Variants in DOCK1 observed in about 807,000 individuals in gnomAD.
DOCK1 encodes the protein dedicator of cytokinesis protein 1.
Under a neutral mutation model 262.7 loss-of-function variants are expected in DOCK1, and 138 were observed. The ratio of observed to expected loss-of-function variants is 0.53; its 90% CI spans 0.46 to 0.61. The LOEUF (loss-of-function observed/expected upper bound fraction) is 0.61. DOCK1 is among the 20% of genes least tolerant of loss of function. The probability of loss-of-function intolerance (pLI) is 0.00; values close to 1 mark genes in which losing one functional copy is unlikely to be tolerated. For synonymous variants in DOCK1, 866 were observed against 867.4 expected (o/e 1.00, Z 0.03); for missense variants, 1,908 against 2,370.7 (o/e 0.80, Z 4.05).
At chr10:126,938,244 C>T (rs1388282175) in intron 1 of DOCK1, among the ~76,000 whole-genome samples, 3 of 152,148 alleles carry the variant, frequency 2.0e-5, no homozygotes, top group East Asian at 1.9e-4. Flanking sequence ...GACAGGGTTT[C>T]TCCATGTTGG....
intron 30 of DOCK1, 101 bp from the exon 31 acceptor site, chr10:127,343,545 C>T (rs762618354): frequency 6.2e-5 from 60 of 960,648 alleles, no homozygotes; most frequent in Non-Finnish European, 8.4e-5. Context: ...TTTAACTTTT[C>T]AGAAGTGTGT....
chr10:127,114,819 C>T (rs1259245416), intron 25 of DOCK1, among the ~76,000 whole-genome samples: 3 of 149,082 alleles, frequency 2.0e-5, no homozygotes, highest in Non-Finnish European at 3.0e-5. Context: ...TGCAGTGGCA[C>T]GAACTTGGCT....
intron 27 of DOCK1, among the ~76,000 whole-genome samples, chr10:127,133,651 A>G (rs1592148672): frequency 1.3e-5 from 2 of 152,326 alleles, no homozygotes; most frequent in Admixed American, 6.5e-5. Context: ...CACATTGTTG[A>G]ATGGGCACAA....
At chr10:127,328,401 G>A (rs993485504) in intron 29 of DOCK1, among the ~76,000 whole-genome samples, 9 of 152,186 alleles carry the variant, frequency 5.9e-5, no homozygotes, top group Non-Finnish European at 1.2e-4. Flanking sequence ...GGCTGACTAG[G>A]ATTCATTTAC....
intron 1 of DOCK1, among the ~76,000 whole-genome samples, chr10:126,906,046 T>G (rs9423007): frequency 0.99 from 150,965 of 152,274 alleles, 74,857 homozygotes; most frequent in East Asian, 1. Context: ...TCCCAGCGGA[T>G]AATTCCGCCC....
chr10:127,060,499 A>C (rs1449640960), intron 22 of DOCK1, among the ~76,000 whole-genome samples: 1 of 152,194 alleles, frequency 6.6e-6, no homozygotes, highest in Non-Finnish European at 1.5e-5. Flanking sequence ...AGTTTACAAA[A>C]TTTTCCATTG....
At chr10:127,052,909 T>C in intron 22 of DOCK1, 94 bp downstream of exon 22, 1 of 1,502,526 alleles carries the variant, frequency 6.7e-7, no homozygotes, top group Non-Finnish European at 8.9e-7. Context: ...CCTTATTCTT[T>C]CCTTTCTTCT....
chr10:127,198,897 T>C (rs924861258), intron 27 of DOCK1, among the ~76,000 whole-genome samples: 8 of 152,162 alleles, frequency 5.3e-5, no homozygotes, highest in Non-Finnish European at 1.0e-4. Context: ...TGTGTCATCA[T>C]GCTCCAGGCT....
At chr10:127,412,656 G>T (rs1448267355) in intron 43 of DOCK1, among the ~76,000 whole-genome samples, 1 of 152,200 alleles carries the variant, frequency 6.6e-6, no homozygotes, top group Non-Finnish European at 1.5e-5. Flanking sequence ...CCTTCCAGCA[G>T]GGTTGCCTCA....
In DOCK1 at chr10:127,419,717, A is replaced by T; in HGVS notation, c.4744A>T (p.Ile1582Phe). ...GGAGCACCCTGAGGCCCATGAAAAG[A>T]TCGAGAAGCTCAAGGACCTGATTGC... is the stretch of plus-strand genomic sequence containing the variant. Reference protein sequence around the residue: ...LQEHPEAHEKIEKLKDLIAWQ... With the variant: ...LQEHPEAHEKFEKLKDLIAWQ... The change falls in exon 46 of 52, where the codon ATC (isoleucine) becomes TTC (phenylalanine). Residue 1582 changes from isoleucine to phenylalanine, a missense_variant. By Grantham distance (21) the Ile-to-Phe change is conservative. Transcript: ENST00000623213. 6.2e-7 allele frequency: 1 copy of T among 1,604,790 alleles called. No homozygotes were observed. The highest frequency in any genetic ancestry group is 8.5e-7 in the Non-Finnish European group (1 of 1,175,480).
At chr10:127,168,291 G>T (rs886403243) in intron 27 of DOCK1, among the ~76,000 whole-genome samples, 1 of 152,238 alleles carries the variant, frequency 6.6e-6, no homozygotes, top group Non-Finnish European at 1.5e-5. Flanking sequence ...AATGTGGAGA[G>T]AGACATCGAA....
chr10:127,447,576 A>G (rs781693853), intron 51 of DOCK1, 31 bp downstream of exon 51: 65 of 1,610,110 alleles, frequency 4.0e-5, no homozygotes, highest in African/African-American at 1.3e-5. Flanking sequence ...ACAGGCTTTC[A>G]TTGCTTCGCC....
chr10:126,982,147 A>C (rs147853825), intron 4 of DOCK1, among the ~76,000 whole-genome samples, 174 bp downstream of exon 4: 1,539 of 152,286 alleles, frequency 0.01, 13 homozygotes, highest in Non-Finnish European at 0.013. Flanking sequence ...TGTGTTTAAC[A>C]TGGCTTTTAT....
At chr10:127,420,188 G>A (rs547417044) in intron 46 of DOCK1, among the ~76,000 whole-genome samples, 53 of 152,296 alleles carry the variant, frequency 3.5e-4, no homozygotes, top group African/African-American at 1.2e-3. Context: ...CACCTCTGGC[G>A]GTGGTGTGCG....
chr10:126,938,876 TGAACACAGGAGGGGAC>T (rs1338852915), intron 1 of DOCK1, among the ~76,000 whole-genome samples: 30 of 78,402 alleles, frequency 3.8e-4, no homozygotes, highest in African/African-American at 1.6e-3. Context: ...CTGGAGGGGA[TGAACACAGGAGGGGAC>T]GAACACAGGA....
At chr10:127,340,450 G>A (rs1430402339) in intron 30 of DOCK1, among the ~76,000 whole-genome samples, 1 of 151,930 alleles carries the variant, frequency 6.6e-6, no homozygotes, top group Non-Finnish European at 1.5e-5. Flanking sequence ...TTTCAGCTCT[G>A]TCATATTCCA....
intron 1 of DOCK1, among the ~76,000 whole-genome samples, chr10:126,938,943 A>AC (rs1434475289): frequency 1.2e-5 from 1 of 83,878 alleles, no homozygotes; most frequent in African/African-American, 5.3e-5. Flanking sequence ...GGGGACGAAC[A>AC]CTGGGGGGGC....
chr10:127,258,304 T>G (rs199736155), intron 29 of DOCK1, among the ~76,000 whole-genome samples: 7 of 152,140 alleles, frequency 4.6e-5, no homozygotes, highest in Non-Finnish European at 2.9e-5. Flanking sequence ...CCCTCCCCAC[T>G]CCACCATCCG....
intron 1 of DOCK1, among the ~76,000 whole-genome samples, chr10:126,927,837 C>A (rs2033875331): frequency 6.6e-6 from 1 of 152,190 alleles, no homozygotes; most frequent in Non-Finnish European, 1.5e-5. Flanking sequence ...AAGAACAACA[C>A]CAGCTTGGTG....
Sources: allele counts gnomAD v4.1 joint callset (sites outside exome capture counted in the v4.1 genomes callset), GRCh38; gene constraint gnomAD v4.1.1; transcripts MANE v1.5; gene names NCBI Gene and HGNC (gene_info 2026-07-23, HGNC 2026-07-21).